Variants in USP10 observed in about 807,000 individuals in gnomAD.
USP10 encodes ubiquitin specific peptidase 10, also known as ubiquitin carboxyl-terminal hydrolase 10.
A neutral mutation model predicts 84.5 loss-of-function variants in USP10; 22 were observed. The observed-to-expected ratio is 0.26, with a 90% CI of 0.19 to 0.37. The LOEUF (loss-of-function observed/expected upper bound fraction) is 0.37, where lower values mean the gene tolerates loss of function less well. Ranked by LOEUF, USP10 falls within the 10% of genes least tolerant of loss-of-function variation. The pLI, the probability that USP10 is intolerant of heterozygous loss-of-function variation, is 1.00. For missense variants in USP10, 1,019 were observed against 998.9 expected (o/e 1.02, Z -0.27); for synonymous variants, 454 against 387.6 (o/e 1.17, Z -2.01).
chr16:84,771,567 T>C (rs1914454842), intron 11 of USP10, among the ~76,000 whole-genome samples: 2 of 152,174 alleles, frequency 1.3e-5, no homozygotes, highest in African/African-American at 4.8e-5. Flanking sequence ...TCAGAGTTAT[T>C]TTAAAATGGG....
At chr16:84,746,400 T>G (rs1310006313) in intron 4 of USP10, among the ~76,000 whole-genome samples, 1 of 152,230 alleles carries the variant, frequency 6.6e-6, no homozygotes, top group Non-Finnish European at 1.5e-5. Flanking sequence ...CGTGTTAACA[T>G]CAGAGAGTAC....
chr16:84,746,909 TCTTC>T (rs1205693246), intron 4 of USP10, among the ~76,000 whole-genome samples: 2 of 152,262 alleles, frequency 1.3e-5, no homozygotes, highest in Non-Finnish European at 2.9e-5. Context: ...AAAAATATTT[TCTTC>T]CTTTTTATTC....
At chr16:84,741,037 A>C (rs1305586018) in intron 3 of USP10, among the ~76,000 whole-genome samples, 3 of 152,238 alleles carry the variant, frequency 2.0e-5, no homozygotes, top group Non-Finnish European at 4.4e-5. Flanking sequence ...TTCAATCTGA[A>C]TCACTTTAAA....
At chr16:84,731,228 C>G (rs978585254) in intron 1 of USP10, among the ~76,000 whole-genome samples, 1 of 151,560 alleles carries the variant, frequency 6.6e-6, no homozygotes, top group African/African-American at 2.4e-5. Flanking sequence ...ATCCGCCCAC[C>G]TCGGCCTCCC....
At chr16:84,739,850 G>T (rs144168149) in intron 2 of USP10, among the ~76,000 whole-genome samples, 5 of 152,194 alleles carry the variant, frequency 3.3e-5, no homozygotes, top group Admixed American at 1.3e-4. Flanking sequence ...TCTGCTCTCC[G>T]ACCATGGACC....
intron 1 of USP10, among the ~76,000 whole-genome samples, chr16:84,702,205 C>A (rs1263761360): frequency 6.6e-6 from 1 of 151,460 alleles, no homozygotes; most frequent in African/African-American, 2.4e-5. Context: ...TACAGGCGCC[C>A]ACCACCATGC....
chr16:84,705,206 G>T (rs1209562319), intron 1 of USP10, among the ~76,000 whole-genome samples: 2 of 151,908 alleles, frequency 1.3e-5, no homozygotes, highest in Non-Finnish European at 2.9e-5. Context: ...AAAGGTGAGT[G>T]TCCCCACTCC....
At chr16:84,732,498 G>C (rs1909367575) in intron 1 of USP10, 2 of 387,866 alleles carry the variant, frequency 5.2e-6, no homozygotes, top group Non-Finnish European at 1.0e-5. Flanking sequence ...CCCGGCTGGG[G>C]TGCGGTGGCG....
intron 1 of USP10, among the ~76,000 whole-genome samples, chr16:84,714,719 C>T (rs1906775386): frequency 6.6e-6 from 1 of 151,828 alleles, no homozygotes; most frequent in South Asian, 2.1e-4. Flanking sequence ...AAATTAAGCA[C>T]ATTATTGTAA....
intron 1 of USP10, chr16:84,709,446 T>A (rs983530748): frequency 6.6e-6 from 1 of 152,182 alleles, no homozygotes; most frequent in Non-Finnish European, 1.5e-5. Context: ...TTGTTAGATG[T>A]TACTGTCTTT....
At position 84,745,456 on chromosome 16, in the gene USP10, C is replaced by G; in HGVS notation, c.975C>G (p.Asp325Glu). Reference protein sequence around the residue: ...TKPESASPPADGTGSASGTLP... With the variant: ...TKPESASPPAEGTGSASGTLP... The stretch of plus-strand genomic sequence containing the variant: ...CCGAGAGTGCATCACCTCCTGCTGA[C>G]GGCACGGGCTCTGCATCAGGCACCC... The change falls in exon 4 of 14, where the codon GAC becomes GAG. Residue 325 changes from aspartate (D) to glutamate (E), a missense_variant. Physicochemically the swap from Asp to Glu is conservative, Grantham distance 45. Transcript: ENST00000219473. The G allele has an allele frequency of 6.2e-7, 1 of 1,613,650 alleles. No homozygotes were observed. Among genetic ancestry groups the G allele is most frequent in the Admixed American group, 1.7e-5 (1 of 60,000 alleles).
rs61760200 is a variant in USP10 at position 84,779,079 on chromosome 16, G to A, written c.2394G>A (p.Leu798=). 9.2e-4 allele frequency: 1,484 copies of A among 1,613,024 alleles called. 2 individuals are homozygous for A. The highest frequency in any genetic ancestry group is 1.2e-3 in the Non-Finnish European group (1,368 of 1,179,148). The change falls in exon 14 of 14, where the codon CTG becomes CTA. Residue 798 remains leucine, a synonymous_variant. Coordinates refer to ENST00000219473, the MANE Select transcript of USP10 (RefSeq NM_005153.3). ...YLLYYRRVDL[L] ...TGTATTACCGCCGAGTGGACCTGCT[G>A]TAAACCCTGTGTGCGCTGTGTGTGC... is the stretch of plus-strand genomic sequence containing the variant.
intron 1 of USP10, among the ~76,000 whole-genome samples, chr16:84,717,603 C>T (rs1387399757): frequency 6.6e-6 from 1 of 152,142 alleles, no homozygotes. Flanking sequence ...AGGTGCCAAG[C>T]ATTTTACTAG....
At position 84,763,097 on chromosome 16, in the gene USP10, T is replaced by G; in HGVS notation, c.1654+9T>G. 1 of 1,587,738 alleles carries G rather than the reference T, an allele frequency of 6.3e-7. No individual in the cohort carries two copies. The highest frequency in any genetic ancestry group is 8.6e-7 in the Non-Finnish European group (1 of 1,157,046). On this transcript the variant is annotated intron_variant, in intron 9 of 13. Transcript: ENST00000219473. ...CTCACCAAGTAATGAAAGTAGGTTA[T>G]GGTCCACTTGCCGCAGAGTTGTGCA...
chr16:84,772,468 C>CGGAAGGTGGATGT, intron 11 of USP10, 73 bp from the exon 12 acceptor site: 1 of 1,591,304 alleles, frequency 6.3e-7, no homozygotes, highest in Non-Finnish European at 8.6e-7. Flanking sequence ...CGTCTTTGAG[C>CGGAAGGTGGATGT]GGAAGGTGGA....
chr16:84,751,309 A>T (rs1237485574), intron 4 of USP10, among the ~76,000 whole-genome samples: 1 of 152,270 alleles, frequency 6.6e-6, no homozygotes, highest in African/African-American at 2.4e-5. Flanking sequence ...CCCATCATTA[A>T]GCATGGCTGT....
chr16:84,738,371 G>C (rs1377129422), intron 2 of USP10, among the ~76,000 whole-genome samples: 1 of 152,102 alleles, frequency 6.6e-6, no homozygotes, highest in Non-Finnish European at 1.5e-5. Context: ...CTGTCACCAG[G>C]GGGCATCCTA....
chr16:84,722,848 GTC>G (rs1377052423), intron 1 of USP10, among the ~76,000 whole-genome samples: 5 of 152,142 alleles, frequency 3.3e-5, no homozygotes, highest in Admixed American at 3.3e-4. Context: ...GAGCCACTGC[GTC>G]CGGCTCAGTC....
intron 1 of USP10, among the ~76,000 whole-genome samples, chr16:84,721,008 C>T (rs1396317967): frequency 6.6e-6 from 1 of 151,798 alleles, no homozygotes; most frequent in Non-Finnish European, 1.5e-5. Context: ...ATTTTCCTGC[C>T]TCAGCCTCTC....
Sources: gnomAD v4.1 joint callset for allele counts (sites outside exome capture counted in the v4.1 genomes callset) on GRCh38, gnomAD v4.1.1 for gene constraint, MANE v1.5 for transcripts, NCBI Gene and HGNC (gene_info 2026-07-23, HGNC 2026-07-21) for gene names.